Variants in ADCY2 observed in about 807,000 individuals in gnomAD.
ADCY2 encodes adenylate cyclase type 2.
ADCY2 carries 31 observed loss-of-function variants against 125.2 expected under a neutral mutation model. The observed-to-expected ratio is 0.25, with a 90% CI of 0.19 to 0.33. ADCY2 has a LOEUF of 0.33. Ranked by LOEUF, ADCY2 falls within the 10% of genes least tolerant of loss-of-function variation. The pLI, the probability that ADCY2 is intolerant of heterozygous loss-of-function variation, is 1.00. For synonymous variants in ADCY2, 512 were observed against 548.4 expected (o/e 0.93, Z 0.93); for missense variants, 904 against 1,418.2 (o/e 0.64, Z 5.82).
chr5:7,585,951 T>A (rs1180756766), intron 3 of ADCY2, among the ~76,000 whole-genome samples: 1 of 152,232 alleles, frequency 6.6e-6, no homozygotes, highest in African/African-American at 2.4e-5. Context: ...CTTAAATATA[T>A]ACAGTTTCTT....
intron 19 of ADCY2, among the ~76,000 whole-genome samples, chr5:7,784,848 T>C (rs1744035819): frequency 6.6e-6 from 1 of 152,182 alleles, no homozygotes; most frequent in African/African-American, 2.4e-5. Flanking sequence ...TTGTTTGAAC[T>C]GGGCCTGAAT....
chr5:7,754,433 A>G (rs1292121498), intron 15 of ADCY2, among the ~76,000 whole-genome samples: 1 of 152,108 alleles, frequency 6.6e-6, no homozygotes, highest in Admixed American at 6.5e-5. Flanking sequence ...TACTGTTAAC[A>G]TTTTCATTAT....
rs116781771 is a variant in ADCY2 at position 7,476,828 on chromosome 5, A to G, written c.409-43910A>G. On this transcript the variant is annotated intron_variant, in intron 2 of 24. Coordinates refer to ENST00000338316, the MANE Select transcript of ADCY2 (RefSeq NM_020546.3). ...AAGTCAATGTCTTGTTTTCTAATAT[A>G]TAAGCAAAAATATTGTGCATCTAAT... Among the ~76,000 whole-genome samples, 111 of 152,332 alleles carry G rather than the reference A, an allele frequency of 7.3e-4. 1 individual carries two copies. The highest frequency in any genetic ancestry group is 2.6e-3 in the African/African-American group (110 of 41,570).
Position 7,769,513 on chromosome 5 carries a change from G to T in ADCY2, c.2214+2707G>T, listed in dbSNP as rs531826521. Among the ~76,000 whole-genome samples, 56 of 152,230 alleles carry T rather than the reference G, an allele frequency of 3.7e-4. 3 individuals are homozygous for T. The South Asian group carries it at 0.011, about 31-fold the overall frequency. On this transcript the variant is annotated intron_variant, in intron 17 of 24. Transcript: ENST00000338316. Reference sequence around the variant, plus strand: ...ACACCTATACAAATAATGAATAGTGGCTAAAGTGGATGTTGGGGATTATCA... The same window carrying T: ...ACACCTATACAAATAATGAATAGTGTCTAAAGTGGATGTTGGGGATTATCA...
intron 3 of ADCY2, 151 bp downstream of exon 3, chr5:7,521,050 GA>G: frequency 1.2e-6 from 1 of 846,568 alleles, no homozygotes; most frequent in Non-Finnish European, 1.8e-6. Context: ...TAACACTGAG[GA>G]GCCAGCCCCA....
intron 18 of ADCY2, among the ~76,000 whole-genome samples, chr5:7,779,095 G>T (rs1451707684): frequency 6.6e-6 from 1 of 152,090 alleles, no homozygotes; most frequent in Non-Finnish European, 1.5e-5. Context: ...GCTTTTCTGT[G>T]CCTGATACCT....
At chr5:7,640,235 T>C (rs927131106) in intron 4 of ADCY2, among the ~76,000 whole-genome samples, 1 of 152,178 alleles carries the variant, frequency 6.6e-6, no homozygotes, top group Non-Finnish European at 1.5e-5. Flanking sequence ...AAAAAATGTT[T>C]AGAGGAATAT....
At chr5:7,474,349 T>A (rs934591420) in intron 2 of ADCY2, among the ~76,000 whole-genome samples, 2 of 151,924 alleles carry the variant, frequency 1.3e-5, no homozygotes, top group African/African-American at 4.8e-5. Flanking sequence ...TATAAGAAAA[T>A]AAAGCAATAA....
Position 7,802,302 on chromosome 5 carries a change from G to A in ADCY2, c.2713G>A (p.Val905Met), listed in dbSNP as rs368187458. The A allele has an allele frequency of 1.2e-5, 20 of 1,614,060 alleles. No homozygotes were observed. The highest frequency in any genetic ancestry group is 3.3e-5 in the Admixed American group (2 of 60,000). ...CAAAGAATTTTATACAGAATCCGAC[G>A]TGAACAAGGAGGGCTTGGAATGCCT... ...DFKEFYTESD[V>M]NKEGLECLRL... Residue 905 changes from valine (V) to methionine (M), a missense_variant, in exon 21 of 25, where the codon GTG becomes ATG. Around this residue, in one of 7 missense-constraint regions of ADCY2, gnomAD observed 181 missense variants for 381.6 expected, o/e 0.47. Coordinates refer to ENST00000338316, the MANE Select transcript of ADCY2 (RefSeq NM_020546.3). This position sits in a 1 kb window ranked among gnomAD's most constrained non-coding sequence, Gnocchi z 4.6.
chr5:7,824,057 G>T (rs1745388085), intron 24 of ADCY2, among the ~76,000 whole-genome samples: 1 of 152,194 alleles, frequency 6.6e-6, no homozygotes, highest in Admixed American at 6.5e-5. Flanking sequence ...AATCCCGAAG[G>T]TGTGGCTTGC....
intron 15 of ADCY2, among the ~76,000 whole-genome samples, chr5:7,747,349 T>C (rs1742659530): frequency 6.6e-6 from 1 of 152,240 alleles, no homozygotes; most frequent in Admixed American, 6.5e-5. Flanking sequence ...ATTGTTTCTG[T>C]TTCCCCTTGA....
chr5:7,666,435 A>AT (rs1322194068), intron 4 of ADCY2, among the ~76,000 whole-genome samples: 1 of 151,526 alleles, frequency 6.6e-6, no homozygotes, highest in Non-Finnish European at 1.5e-5. Context: ...CGCCCGGCTA[A>AT]TTTTTTATAT....
intron 3 of ADCY2, among the ~76,000 whole-genome samples, chr5:7,574,339 G>A (rs1046692026): frequency 6.6e-6 from 1 of 151,814 alleles, no homozygotes; most frequent in Admixed American, 6.6e-5. Flanking sequence ...TCGCCACACT[G>A]ACTTCCACAA....
chr5:7,767,157 C>G (rs1227229414), intron 17 of ADCY2, among the ~76,000 whole-genome samples: 2 of 152,112 alleles, frequency 1.3e-5, no homozygotes, highest in Non-Finnish European at 1.5e-5. Flanking sequence ...GCTAATTGTT[C>G]CAGTGAATTA....
intron 3 of ADCY2, among the ~76,000 whole-genome samples, chr5:7,608,868 A>C (rs1264376139): frequency 2.3e-4 from 35 of 152,182 alleles, no homozygotes; most frequent in Non-Finnish European, 2.9e-5. Context: ...TGAGCCAGCC[A>C]TATGGGCCAG....
chr5:7,583,873 T>C (rs1283195114), intron 3 of ADCY2, among the ~76,000 whole-genome samples: 1 of 152,104 alleles, frequency 6.6e-6, no homozygotes, highest in African/African-American at 2.4e-5. Flanking sequence ...GAAGTATTCA[T>C]ACACTGGAAT....
At chr5:7,805,786 C>T (rs1032947995) in intron 22 of ADCY2, among the ~76,000 whole-genome samples, 4 of 152,168 alleles carry the variant, frequency 2.6e-5, no homozygotes, top group African/African-American at 9.7e-5. Flanking sequence ...CCTAGTTTCC[C>T]GCTTAACATT....
chr5:7,567,601 G>T (rs1055404147), intron 3 of ADCY2, among the ~76,000 whole-genome samples: 4 of 152,102 alleles, frequency 2.6e-5, no homozygotes, highest in African/African-American at 7.2e-5. Context: ...CTGGGTGTGA[G>T]TCTAAGTTAA....
intron 4 of ADCY2, among the ~76,000 whole-genome samples, chr5:7,686,951 C>A (rs928735042): frequency 6.6e-6 from 1 of 152,162 alleles, no homozygotes. Context: ...GGCATATGCA[C>A]ACTCAAAGCA....
Sources: gnomAD v4.1 joint callset for allele counts (sites outside exome capture counted in the v4.1 genomes callset) on GRCh38, gnomAD v4.1.1 for gene constraint, gnomAD v4.1.1 regional missense constraint, Gnocchi (gnomAD v3.1) non-coding constraint, MANE v1.5 for transcripts, NCBI Gene and HGNC (gene_info 2026-07-23, HGNC 2026-07-21) for gene names.